The following PPP1R12B variants were observed in gnomAD, a reference collection of about 807,000 sequenced individuals.
PPP1R12B encodes protein phosphatase 1 regulatory subunit 12B.
A neutral mutation model predicts 126.1 loss-of-function variants in PPP1R12B; 76 were observed. The observed-to-expected ratio is 0.60, with a 90% CI of 0.50 to 0.73. The LOEUF (loss-of-function observed/expected upper bound fraction) is 0.73, where lower values mean the gene tolerates loss of function less well. PPP1R12B is among the 30% of genes least tolerant of loss of function. PPP1R12B has a pLI of 0.00. For missense variants in PPP1R12B, 1,052 were observed against 1,205.1 expected (o/e 0.87, Z 1.88); for synonymous variants, 356 against 434.7 (o/e 0.82, Z 2.25).
intron 13 of PPP1R12B, among the ~76,000 whole-genome samples, chr1:202,467,563 T>G (rs1675207409): frequency 6.6e-6 from 1 of 152,248 alleles, no homozygotes; most frequent in African/African-American, 2.4e-5. Flanking sequence ...CTCATCCTTT[T>G]TATGGCTGCA....
At chr1:202,512,406 A>G (rs1249570982) in intron 18 of PPP1R12B, among the ~76,000 whole-genome samples, 5 of 152,210 alleles carry the variant, frequency 3.3e-5, no homozygotes, top group Admixed American at 3.3e-4. Flanking sequence ...CTAGATGTGG[A>G]TGATAAAAGC....
intron 18 of PPP1R12B, among the ~76,000 whole-genome samples, chr1:202,521,682 G>A (rs1465293187): frequency 6.6e-6 from 1 of 152,076 alleles, no homozygotes; most frequent in Non-Finnish European, 1.5e-5. Flanking sequence ...GAGAGAGTTA[G>A]AAGAAAATGA....
intron 19 of PPP1R12B, among the ~76,000 whole-genome samples, chr1:202,560,563 A>G (rs1285131828): frequency 1.3e-5 from 2 of 151,890 alleles, no homozygotes; most frequent in African/African-American, 4.8e-5. Flanking sequence ...ACCAGAGGAC[A>G]CTCTCACGGC....
At chr1:202,383,478 C>A (rs1333041046) in intron 1 of PPP1R12B, among the ~76,000 whole-genome samples, 3 of 152,138 alleles carry the variant, frequency 2.0e-5, no homozygotes, top group Non-Finnish European at 4.4e-5. Flanking sequence ...AATCCCAGCG[C>A]TTTGGGAGGC....
intron 1 of PPP1R12B, among the ~76,000 whole-genome samples, chr1:202,354,723 C>T (rs1656713567): frequency 6.6e-6 from 1 of 151,824 alleles, no homozygotes; most frequent in African/African-American, 2.4e-5. Flanking sequence ...TCTCGACTCA[C>T]TGCAACCTCT....
intron 18 of PPP1R12B, among the ~76,000 whole-genome samples, chr1:202,557,734 G>C (rs1333941012): frequency 6.6e-6 from 1 of 152,214 alleles, no homozygotes; most frequent in Non-Finnish European, 1.5e-5. Context: ...TGTACATTTT[G>C]CAAAAGTGTG....
rs1687949458 is a variant in PPP1R12B at position 202,565,250 on chromosome 1, A to G, written c.2757+703A>G. ...AACTCCGCAGCTGAAAGCTAAAGCAAGCACTGCTTTTGGTTATTGCTGAGT... is the reference window on the plus strand; with the variant it reads ...AACTCCGCAGCTGAAAGCTAAAGCAGGCACTGCTTTTGGTTATTGCTGAGT... On this transcript the variant is annotated intron_variant, in intron 21 of 23. Coordinates refer to ENST00000608999, the MANE Select transcript of PPP1R12B (RefSeq NM_002481.4). This position sits in a 1 kb window ranked among gnomAD's most constrained non-coding sequence, Gnocchi z 4.3. 6.6e-6 allele frequency among the ~76,000 whole-genome samples: 1 copy of G among 152,262 alleles called. No individual in the cohort carries two copies. Among genetic ancestry groups the G allele is most frequent in the Non-Finnish European group, 1.5e-5 (1 of 68,048 alleles).
intron 11 of PPP1R12B, among the ~76,000 whole-genome samples, chr1:202,441,533 G>A (rs551207700): frequency 6.3e-4 from 96 of 152,216 alleles, no homozygotes; most frequent in African/African-American, 2.1e-3. Flanking sequence ...GCATTCTAAC[G>A]AAATTCCCTA....
intron 1 of PPP1R12B, among the ~76,000 whole-genome samples, chr1:202,372,379 G>A (rs1471930258): frequency 3.3e-5 from 5 of 151,846 alleles, no homozygotes; most frequent in Non-Finnish European, 4.4e-5. Context: ...TGGTGCGTGC[G>A]GATAGTTCCA....
At chr1:202,524,595 T>G (rs1683121350) in intron 18 of PPP1R12B, among the ~76,000 whole-genome samples, 1 of 152,206 alleles carries the variant, frequency 6.6e-6, no homozygotes, top group Non-Finnish European at 1.5e-5. Context: ...AGCTCCCTCT[T>G]ATGAGTGAGA....
At chr1:202,417,829 A>C (rs989828932) in intron 2 of PPP1R12B, among the ~76,000 whole-genome samples, 18 of 152,218 alleles carry the variant, frequency 1.2e-4, no homozygotes, top group African/African-American at 4.3e-4. Context: ...TTTTGTTGGC[A>C]GCTGTGTAGA....
intron 2 of PPP1R12B, chr1:202,417,364 C>T (rs746062142): frequency 2.1e-5 from 21 of 985,222 alleles, no homozygotes; most frequent in East Asian, 2.3e-4. Context: ...TGTAGTTAAT[C>T]GCAGAAGAAT....
intron 3 of PPP1R12B, among the ~76,000 whole-genome samples, chr1:202,423,747 C>T (rs1406705551): frequency 2.0e-5 from 3 of 151,816 alleles, no homozygotes; most frequent in Admixed American, 6.6e-5. Flanking sequence ...GCAGTGGTGC[C>T]GTCTCAGCTC....
At chr1:202,425,152 A>T (rs1357463128) in intron 3 of PPP1R12B, among the ~76,000 whole-genome samples, 1 of 152,068 alleles carries the variant, frequency 6.6e-6, no homozygotes, top group Non-Finnish European at 1.5e-5. Flanking sequence ...TTCTATTTTT[A>T]TTTCCTCATC....
intron 18 of PPP1R12B, among the ~76,000 whole-genome samples, chr1:202,518,722 C>A (rs918044724): frequency 1.4e-4 from 22 of 152,094 alleles, no homozygotes; most frequent in African/African-American, 5.3e-4. Context: ...TTTAATGAGG[C>A]CTTGTTATTT....
chr1:202,392,583 G>A (rs1216678153), intron 1 of PPP1R12B, among the ~76,000 whole-genome samples: 2 of 150,926 alleles, frequency 1.3e-5, no homozygotes, highest in African/African-American at 2.4e-5. Context: ...GTGCAGTGGC[G>A]CAATCTTGTC....
In PPP1R12B at chr1:202,583,873, A is replaced by T. The variant is rs1168707280; in HGVS notation, c.*3313A>T. The T allele has an allele frequency of 6.6e-6, 1 of 152,220 alleles. No homozygotes were observed. The highest frequency in any genetic ancestry group is 2.4e-5 in the African/African-American group (1 of 41,466). The allele number at this position is 152,220 out of a possible 1,614,324, so 9.4% of individuals were successfully genotyped here. A position where few individuals can be genotyped will look rare whatever the true frequency, so the allele number is the denominator to read the frequency against. ...TAGAGTCTTTACATGAAATATCAGAATGGGAAAGAGAATGTTCCTGGTAAA... is the reference window on the plus strand; with the variant it reads ...TAGAGTCTTTACATGAAATATCAGATTGGGAAAGAGAATGTTCCTGGTAAA... On this transcript the variant is annotated 3_prime_UTR_variant, in exon 24 of 24. Coordinates refer to ENST00000608999, the MANE Select transcript of PPP1R12B (RefSeq NM_002481.4).
intron 13 of PPP1R12B, among the ~76,000 whole-genome samples, chr1:202,473,446 G>A (rs3767418): frequency 0.059 from 8,964 of 152,298 alleles, 421 homozygotes; most frequent in South Asian, 0.2. Context: ...CTATGCCTGA[G>A]CCTCAAGTGA....
At chr1:202,443,320 C>T (rs1053768533) in intron 12 of PPP1R12B, among the ~76,000 whole-genome samples, 3 of 152,224 alleles carry the variant, frequency 2.0e-5, no homozygotes, top group African/African-American at 7.2e-5. Context: ...TCTTTCTTCA[C>T]TTCCACTGTC....
Sources: allele counts gnomAD v4.1 joint callset (sites outside exome capture counted in the v4.1 genomes callset), GRCh38; gene constraint gnomAD v4.1.1; non-coding constraint Gnocchi (gnomAD v3.1); transcripts MANE v1.5; gene names NCBI Gene and HGNC (gene_info 2026-07-23, HGNC 2026-07-21).